The following SYT16 variants were observed in gnomAD, a reference collection of about 807,000 sequenced individuals.
SYT16 encodes synaptotagmin-16.
A neutral mutation model predicts 61.4 loss-of-function variants in SYT16; 42 were observed. The observed-to-expected ratio is 0.68, with a 90% CI of 0.53 to 0.89. The LOEUF is 0.89. SYT16 is among the 40% of genes least tolerant of loss of function. SYT16 has a pLI of 0.00. For synonymous variants in SYT16, 314 were observed against 302.3 expected (o/e 1.04, Z -0.40); for missense variants, 804 against 807.3 (o/e 1.00, Z 0.05).
intron 1 of SYT16, among the ~76,000 whole-genome samples, chr14:61,935,606 C>A (rs767045235): frequency 4.6e-5 from 7 of 152,092 alleles, no homozygotes; most frequent in Non-Finnish European, 8.8e-5. Context: ...TGAAACGGAC[C>A]AAGCACAGAG....
intron 1 of SYT16, among the ~76,000 whole-genome samples, chr14:61,937,780 G>A (rs1036023478): frequency 2.0e-5 from 3 of 152,172 alleles, no homozygotes; most frequent in Non-Finnish European, 2.9e-5. Context: ...AAAGAGGAAG[G>A]ATGGAAACTT....
rs190476849 is a variant in SYT16 at position 62,069,525 on chromosome 14, C to T, written c.524-78C>T. The T allele has an allele frequency of 3.3e-5, 45 of 1,377,604 alleles. No individual in the cohort carries two copies. The Admixed American group carries it at 4.0e-4, about 12-fold the overall frequency. 85.3% of individuals were successfully genotyped at this position (1,377,604 alleles called of 1,614,324 possible). On this transcript the variant is annotated intron_variant, in intron 3 of 7. Coordinates refer to ENST00000683842, the MANE Select transcript of SYT16 (RefSeq NM_001367656.1). ...AACTCATTGTCCACGTTCTTCTCTTCTGTTTTCCTGGAGAGTCTATCTCTG... is the reference window on the plus strand; with the variant it reads ...AACTCATTGTCCACGTTCTTCTCTTTTGTTTTCCTGGAGAGTCTATCTCTG...
At chr14:61,866,299 A>G (rs149311131) in intron 1 of SYT16, among the ~76,000 whole-genome samples, 1 of 152,264 alleles carries the variant, frequency 6.6e-6, no homozygotes, top group Non-Finnish European at 1.5e-5. Context: ...AAAATTGCCA[A>G]AAAAGGAAGA....
chr14:62,003,423 A>G (rs114419327), intron 3 of SYT16, among the ~76,000 whole-genome samples: 1,725 of 151,622 alleles, frequency 0.011, 35 homozygotes, highest in African/African-American at 0.04. Flanking sequence ...GAAAATATTC[A>G]TTTAATTCTT....
chr14:62,026,660 T>C (rs2054115175), intron 3 of SYT16, among the ~76,000 whole-genome samples: 1 of 152,222 alleles, frequency 6.6e-6, no homozygotes, highest in Non-Finnish European at 1.5e-5. Context: ...TTTGCTAGTT[T>C]CTAAGCTTTG....
In SYT16 at chr14:61,986,247, T is replaced by A. The variant is rs570351878; in HGVS notation, c.-144-9629T>A. 1.4e-4 allele frequency among the ~76,000 whole-genome samples: 21 copies of A among 152,078 alleles called. 1 individual carries two copies. The highest frequency in any genetic ancestry group is 3.4e-3 in the Middle Eastern group (1 of 294). ...GTTTAACCAGCTAAACAACTTTTTT[T>A]AATATAGAAAATACAGAAGTAAGCT... On this transcript the variant is annotated intron_variant, in intron 2 of 7. Coordinates refer to ENST00000683842, the MANE Select transcript of SYT16 (RefSeq NM_001367656.1).
rs1208805206 is a variant in SYT16 at position 62,104,621 on chromosome 14, C to T, written c.*3914C>T. On this transcript the variant is annotated 3_prime_UTR_variant, in exon 8 of 8. Coordinates refer to ENST00000683842, the MANE Select transcript of SYT16 (RefSeq NM_001367656.1). ...ATCAGATCAACTAGCTATCACTTTT[C>T]TAAAACTTGTAGAATTCTGAAAAAT... 1.3e-5 allele frequency: 2 copies of T among 152,178 alleles called. No individual in the cohort carries two copies. The highest frequency in any genetic ancestry group is 2.9e-5 in the Non-Finnish European group (2 of 68,038). 9.4% of individuals were successfully genotyped at this position (152,178 alleles called of 1,614,324 possible).
intron 1 of SYT16, among the ~76,000 whole-genome samples, chr14:61,947,824 C>A (rs1201994481): frequency 1.3e-5 from 2 of 152,126 alleles, no homozygotes; most frequent in Non-Finnish European, 2.9e-5. Flanking sequence ...TGCATTCATC[C>A]CTTCTGCCAG....
intron 1 of SYT16, among the ~76,000 whole-genome samples, chr14:61,911,292 C>T (rs217631): frequency 0.91 from 138,462 of 152,256 alleles, 63,094 homozygotes; most frequent in East Asian, 0.98. Context: ...CAGGCACTTT[C>T]TAAAATAGTT....
intron 3 of SYT16, among the ~76,000 whole-genome samples, chr14:62,009,750 T>C (rs1286695546): frequency 1.3e-5 from 2 of 152,160 alleles, no homozygotes; most frequent in Non-Finnish European, 2.9e-5. Context: ...CTATCAGCAG[T>C]TTGGGTTCTC....
chr14:62,044,606 C>A (rs1277564317), intron 3 of SYT16, among the ~76,000 whole-genome samples: 1 of 152,180 alleles, frequency 6.6e-6, no homozygotes, highest in Non-Finnish European at 1.5e-5. Context: ...CTAGCTTCAT[C>A]CATGTCCCTG....
In SYT16 at chr14:62,084,353, A is replaced by G. The variant is rs775336306; in HGVS notation, c.1592A>G (p.His531Arg). Residue 531 changes from histidine (H) to arginine (R), a missense_variant, in exon 7 of 8, where the codon CAT (histidine) becomes CGT (arginine). His to Arg is a conservative substitution (Grantham distance 29). Coordinates refer to ENST00000683842, the MANE Select transcript of SYT16 (RefSeq NM_001367656.1). ...RLSVEMIKGS[H>R]FRNLAVNRAP... is the part of the protein sequence containing the mutation. ...TCTGTGGAAATGATCAAAGGCAGCC[A>G]TTTCCGAAACCTCGCTGTTAACCGA... The G allele has an allele frequency of 1.9e-6, 3 of 1,612,746 alleles. No homozygotes were observed. Among genetic ancestry groups the G allele is most frequent in the Non-Finnish European group, 1.7e-6 (2 of 1,179,796 alleles).
At chr14:61,834,897 A>G (rs1022654373) in intron 1 of SYT16, among the ~76,000 whole-genome samples, 4 of 152,382 alleles carry the variant, frequency 2.6e-5, no homozygotes, top group African/African-American at 9.6e-5. Context: ...GTGTTGATAT[A>G]TGATGGTATA....
At chr14:61,946,174 G>A (rs1315581561) in intron 1 of SYT16, among the ~76,000 whole-genome samples, 3 of 152,060 alleles carry the variant, frequency 2.0e-5, no homozygotes, top group Non-Finnish European at 4.4e-5. Flanking sequence ...AAACCTACAC[G>A]TTCTGCACAT....
At chr14:62,017,260 T>C (rs1231410132) in intron 3 of SYT16, among the ~76,000 whole-genome samples, 1 of 152,206 alleles carries the variant, frequency 6.6e-6, no homozygotes, top group Non-Finnish European at 1.5e-5. Flanking sequence ...TTCTCTTAGT[T>C]TCCTTTGCTT....
intron 3 of SYT16, among the ~76,000 whole-genome samples, chr14:62,046,538 T>C (rs1053015907): frequency 6.6e-6 from 1 of 152,226 alleles, no homozygotes; most frequent in Non-Finnish European, 1.5e-5. Flanking sequence ...CATGCCTATG[T>C]CCTGAATGGT....
chr14:61,977,821 G>A (rs1161303861), intron 2 of SYT16, among the ~76,000 whole-genome samples: 1 of 152,116 alleles, frequency 6.6e-6, no homozygotes, highest in African/African-American at 2.4e-5. Context: ...TCCTATGGCT[G>A]CCATAACAAA....
intron 3 of SYT16, among the ~76,000 whole-genome samples, chr14:62,046,317 A>G (rs1375109568): frequency 6.6e-6 from 1 of 151,404 alleles, no homozygotes; most frequent in East Asian, 1.9e-4. Context: ...TTTTTCTTGT[A>G]AATTTGTTTG....
At chr14:62,060,142 C>T (rs2211552) in intron 3 of SYT16, among the ~76,000 whole-genome samples, 42,875 of 151,902 alleles carry the variant, frequency 0.28, 10,399 homozygotes, top group African/African-American at 0.66. Flanking sequence ...ACTTGTCAAA[C>T]TTGACAAAAA....
Sources: gnomAD v4.1 joint callset for allele counts (sites outside exome capture counted in the v4.1 genomes callset) on GRCh38, gnomAD v4.1.1 for gene constraint, MANE v1.5 for transcripts, NCBI Gene and HGNC (gene_info 2026-07-23, HGNC 2026-07-21) for gene names.